Variants in NDUFV2 observed in about 807,000 individuals in gnomAD.
NDUFV2 encodes NADH:ubiquinone oxidoreductase core subunit V2.
NDUFV2 carries 18 observed loss-of-function variants against 31.6 expected under a neutral mutation model. That is an observed-to-expected ratio of 0.57 (90% confidence interval 0.39 to 0.84). NDUFV2 has a LOEUF of 0.84. NDUFV2 is among the 40% of genes least tolerant of loss of function. NDUFV2 has a pLI of 0.00. For synonymous variants in NDUFV2, 83 were observed against 99.8 expected, an observed-to-expected ratio of 0.83 and a Z score of 1.01; for missense variants, 314 against 303.6, an observed-to-expected ratio of 1.03 and a Z score of -0.26.
At chr18:9,125,565 ATTTC>A (rs895751859) in intron 6 of NDUFV2, among the ~76,000 whole-genome samples, 2 of 147,440 alleles carry the variant, frequency 1.4e-5, no homozygotes, top group African/African-American at 2.5e-5. Context: ...TTTCATTTTG[ATTTC>A]TTTGACCTGT....
chr18:9,122,085 A>T (rs1253614907), intron 4 of NDUFV2, among the ~76,000 whole-genome samples: 1 of 152,150 alleles, frequency 6.6e-6, no homozygotes, highest in Non-Finnish European at 1.5e-5. Flanking sequence ...TTTGGAAAAA[A>T]TTGGTGAGAG....
chr18:9,118,223 C>G (rs2077909012), intron 2 of NDUFV2, among the ~76,000 whole-genome samples: 1 of 152,128 alleles, frequency 6.6e-6, no homozygotes, highest in Admixed American at 6.5e-5. Context: ...GAGATTGTAA[C>G]TTGTTGAATC....
intron 1 of NDUFV2, among the ~76,000 whole-genome samples, chr18:9,112,207 T>C (rs1169543144): frequency 4.6e-5 from 7 of 151,006 alleles, no homozygotes; most frequent in Non-Finnish European, 5.9e-5. Flanking sequence ...TTAGTAGAGA[T>C]GGGGTTTCAC....
intron 7 of NDUFV2, 76 bp downstream of exon 7, chr18:9,126,983 T>A: frequency 8.6e-7 from 1 of 1,157,856 alleles, no homozygotes; most frequent in Non-Finnish European, 1.3e-6. Context: ...ATTTAAAAAA[T>A]TTTATACCTT....
At chr18:9,109,798 T>C (rs1016298772) in intron 1 of NDUFV2, among the ~76,000 whole-genome samples, 1 of 152,140 alleles carries the variant, frequency 6.6e-6, no homozygotes, top group East Asian at 1.9e-4. Context: ...AAAAAGTATG[T>C]AGAAGAGCTT....
intron 7 of NDUFV2, among the ~76,000 whole-genome samples, chr18:9,133,008 T>C (rs1568198418): frequency 6.6e-6 from 1 of 152,264 alleles, no homozygotes; most frequent in East Asian, 1.9e-4. Flanking sequence ...TTTATCTGTT[T>C]TTGTAGTGAA....
chr18:9,105,808 G>A (rs1239837797), intron 1 of NDUFV2, among the ~76,000 whole-genome samples: 2 of 152,154 alleles, frequency 1.3e-5, no homozygotes, highest in African/African-American at 4.8e-5. Context: ...CATCTGTATT[G>A]TGTATTTTTT....
At chr18:9,112,804 T>A (rs1181603098) in intron 1 of NDUFV2, 1 of 152,180 alleles carries the variant, frequency 6.6e-6, no homozygotes, top group Non-Finnish European at 1.5e-5. Context: ...TTTTAAAAGT[T>A]TAAATGTAAT....
intron 1 of NDUFV2, among the ~76,000 whole-genome samples, chr18:9,110,047 G>A (rs2077862200): frequency 6.6e-6 from 1 of 152,098 alleles, no homozygotes; most frequent in Non-Finnish European, 1.5e-5. Context: ...GGACTCAATT[G>A]GAATTTCTTG....
At chr18:9,131,255 T>C (rs2078038018) in intron 7 of NDUFV2, among the ~76,000 whole-genome samples, 1 of 152,218 alleles carries the variant, frequency 6.6e-6, no homozygotes, top group Admixed American at 6.5e-5. Context: ...TTGGCCTTGC[T>C]GTCTCAGAGG....
chr18:9,113,541 G>A (rs2077882240), intron 1 of NDUFV2, among the ~76,000 whole-genome samples: 1 of 152,094 alleles, frequency 6.6e-6, no homozygotes, highest in Admixed American at 6.5e-5. Context: ...CGGTAAGGGA[G>A]GAGACCACCC....
At chr18:9,127,009 G>A in intron 7 of NDUFV2, 102 bp downstream of exon 7, 1 of 923,302 alleles carries the variant, frequency 1.1e-6, no homozygotes. Context: ...CATAGGAATT[G>A]GTAGGAGCTT....
intron 1 of NDUFV2, among the ~76,000 whole-genome samples, chr18:9,106,552 A>T (rs1002193799): frequency 6.6e-6 from 1 of 152,178 alleles, no homozygotes; most frequent in Non-Finnish European, 1.5e-5. Flanking sequence ...AGAGATTCTT[A>T]AACTTGATTT....
At position 9,122,534 on chromosome 18, in the gene NDUFV2, C is replaced by A. The variant is rs147110431; in HGVS notation, c.322C>A (p.Pro108Thr). 118 of 1,613,632 alleles carry A rather than the reference C, an allele frequency of 7.3e-5. No individual in the cohort carries two copies. The African/African-American group carries it at 1.2e-3, about 17-fold the overall frequency. ...TTAGGTTGCAGAAGTTTTACAAGTA[C>A]CTCCAATGAGAGTATATGAAGTAGC... ...MNKVAEVLQVPPMRVYEVATF... is the reference protein window; with the variant it reads ...MNKVAEVLQVTPMRVYEVATF... Residue 108 changes from proline to threonine, a missense_variant, in exon 5 of 8, where the codon CCT becomes ACT. Physicochemically the swap from Pro to Thr is conservative, Grantham distance 38. Coordinates refer to ENST00000318388, the MANE Select transcript of NDUFV2 (RefSeq NM_021074.5).
chr18:9,128,226 G>A lies in NDUFV2; in HGVS notation c.656+1319G>A, dbSNP rs78448482. On this transcript the variant is annotated intron_variant, in intron 7 of 7. Coordinates refer to ENST00000318388, the MANE Select transcript of NDUFV2 (RefSeq NM_021074.5). ...ACAGCTGTGATGTGCTCTTACTCCC[G>A]TTTTAAAATATTTTTCTTAAGCTTT... is the stretch of plus-strand genomic sequence containing the variant. Among the ~76,000 whole-genome samples, 865 of 152,072 alleles carry A rather than the reference G, an allele frequency of 5.7e-3. 4 individuals carry two copies. Among genetic ancestry groups the A allele is most frequent in the Non-Finnish European group, 0.01 (682 of 67,982 alleles).
chr18:9,108,689 ATTTT>A (rs11291545), intron 1 of NDUFV2, among the ~76,000 whole-genome samples: 2 of 123,014 alleles, frequency 1.6e-5, no homozygotes, highest in Admixed American at 8.4e-5. Flanking sequence ...TTTTCATGGA[ATTTT>A]TTTTTTTTTT....
chr18:9,114,302 A>C (rs1284823067), intron 1 of NDUFV2, among the ~76,000 whole-genome samples: 1 of 152,206 alleles, frequency 6.6e-6, no homozygotes, highest in Non-Finnish European at 1.5e-5. Flanking sequence ...AGCATTATAC[A>C]TATGGATATA....
chr18:9,115,157 A>G (rs1031118793), intron 1 of NDUFV2, among the ~76,000 whole-genome samples: 1 of 152,216 alleles, frequency 6.6e-6, no homozygotes, highest in Non-Finnish European at 1.5e-5. Context: ...CTAATAGGAA[A>G]TTTGGAAAAT....
At position 9,106,777 on chromosome 18, in the gene NDUFV2, A is replaced by T. The variant is rs145660709; in HGVS notation, c.54+3980A>T. On this transcript the variant is annotated intron_variant, in intron 1 of 7. Transcript: ENST00000318388. ...AAAATTAAAGTGTAGCCCGAGCTTC[A>T]TTCCTTTTTGGAGGCTCTAGAGGTG... Among the ~76,000 whole-genome samples, 10 of 152,292 alleles carry T rather than the reference A, an allele frequency of 6.6e-5. No homozygotes were observed. In the East Asian group the frequency reaches 1.7e-3, roughly 26 times the overall value.
Sources: allele counts gnomAD v4.1 joint callset (sites outside exome capture counted in the v4.1 genomes callset), GRCh38; gene constraint gnomAD v4.1.1; transcripts MANE v1.5; gene names NCBI Gene and HGNC (gene_info 2026-07-23, HGNC 2026-07-21).